The following INPP4B variants were observed in gnomAD, a reference collection of about 807,000 sequenced individuals.
INPP4B encodes the protein inositol polyphosphate 4-phosphatase type II.
A neutral mutation model predicts 122.5 loss-of-function variants in INPP4B; 55 were observed. The ratio of observed to expected loss-of-function variants is 0.45; its 90% CI spans 0.36 to 0.56. The LOEUF is 0.56. Among genes scored for constraint, INPP4B ranks in the 20% least tolerant of loss-of-function variants. INPP4B has a pLI of 0.00. For missense variants in INPP4B, 1,000 were observed against 1,097.7 expected, an observed-to-expected ratio of 0.91 and a Z score of 1.26; for synonymous variants, 403 against 388.7, an observed-to-expected ratio of 1.04 and a Z score of -0.43.
At chr4:142,409,978 A>G (rs1432613494) in intron 5 of INPP4B, among the ~76,000 whole-genome samples, 1 of 152,224 alleles carries the variant, frequency 6.6e-6, no homozygotes, top group Admixed American at 6.5e-5. Context: ...TGTCTATACC[A>G]AAATACTGCT....
chr4:142,403,547 T>G (rs1579966248), intron 6 of INPP4B, among the ~76,000 whole-genome samples: 1 of 152,198 alleles, frequency 6.6e-6, no homozygotes, highest in Admixed American at 6.5e-5. Context: ...TATGATTTTT[T>G]TTTTCCTCAG....
intron 7 of INPP4B, among the ~76,000 whole-genome samples, chr4:142,401,813 A>G (rs1562019135): frequency 6.6e-6 from 1 of 152,216 alleles, no homozygotes; most frequent in Non-Finnish European, 1.5e-5. Flanking sequence ...ATTGTACCAG[A>G]TAGCCACAAC....
In INPP4B at chr4:142,382,056, A is replaced by G. The variant is rs559709817; in HGVS notation, c.372+20882T>C. Among the ~76,000 whole-genome samples the G allele has an allele frequency of 4.6e-4, 70 of 152,314 alleles. No homozygotes were observed. The Middle Eastern group carries it at 0.01, about 22-fold the overall frequency. ...AATTTTAAAGAAAAAAACGTATCTA[A>G]TTCCCAACATTCCTCTCCATAAAAA... is the stretch of plus-strand genomic sequence containing the variant. On this transcript the variant is annotated intron_variant, in intron 7 of 25. Transcript: ENST00000262992.
At chr4:142,191,787 C>T (rs1358487290) in intron 15 of INPP4B, among the ~76,000 whole-genome samples, 1 of 151,844 alleles carries the variant, frequency 6.6e-6, no homozygotes, top group Non-Finnish European at 1.5e-5. Flanking sequence ...AACCTTTCCC[C>T]ACCAAAAAGC....
At chr4:142,795,341 C>T (rs1777085843) in intron 1 of INPP4B, 1 of 151,936 alleles carries the variant, frequency 6.6e-6, no homozygotes, top group Non-Finnish European at 1.5e-5. Context: ...AGATGCCAAC[C>T]GGATGGGCAC....
intron 11 of INPP4B, among the ~76,000 whole-genome samples, chr4:142,254,246 G>T: frequency 6.6e-6 from 1 of 151,784 alleles, no homozygotes; most frequent in East Asian, 1.9e-4. Flanking sequence ...AAACCACAAA[G>T]ATGGGGAAAA....
At chr4:142,662,431 TTG>T (rs1023961747) in intron 2 of INPP4B, among the ~76,000 whole-genome samples, 1 of 152,138 alleles carries the variant, frequency 6.6e-6, no homozygotes. Flanking sequence ...TGATGACTAA[TTG>T]TCCACCAAAA....
chr4:142,435,899 G>T (rs542729592), intron 3 of INPP4B, among the ~76,000 whole-genome samples: 1 of 152,140 alleles, frequency 6.6e-6, no homozygotes, highest in African/African-American at 2.4e-5. Flanking sequence ...TTTCTGGGGG[G>T]AGGGGCGGCA....
intron 1 of INPP4B, among the ~76,000 whole-genome samples, chr4:142,785,103 G>T (rs1250386059): frequency 6.6e-6 from 1 of 152,084 alleles, no homozygotes; most frequent in African/African-American, 2.4e-5. Context: ...ACTCAAAAAG[G>T]AGTTCTCAGG....
intron 2 of INPP4B, among the ~76,000 whole-genome samples, chr4:142,691,811 G>T (rs563069421): frequency 2.9e-4 from 44 of 150,654 alleles, no homozygotes; most frequent in Admixed American, 9.2e-4. Flanking sequence ...TCAAAAACGT[G>T]GGGGGGACAA....
chr4:142,527,354 A>G (rs1256357538), intron 2 of INPP4B, among the ~76,000 whole-genome samples: 1 of 151,918 alleles, frequency 6.6e-6, no homozygotes, highest in African/African-American at 2.4e-5. Flanking sequence ...ACATATACAT[A>G]CACACACACA....
Position 142,025,756 on chromosome 4 carries a change from G to A in INPP4B, c.*3026C>T, listed in dbSNP as rs895368872. Reference sequence around the variant, plus strand: ...AGAGGGGTTAGTCTTATAAAATAAGGGCTGGAGGCTGGGTCCATGGAGCTC... The same window carrying A: ...AGAGGGGTTAGTCTTATAAAATAAGAGCTGGAGGCTGGGTCCATGGAGCTC... On this transcript the variant is annotated 3_prime_UTR_variant, in exon 26 of 26. Transcript: ENST00000262992. 2 of 152,058 alleles carry A rather than the reference G, an allele frequency of 1.3e-5. No homozygotes were observed. Among genetic ancestry groups the A allele is most frequent in the African/African-American group, 2.4e-5 (1 of 41,402 alleles). 9.4% of individuals were successfully genotyped at this position (152,058 alleles called of 1,614,324 possible).
intron 1 of INPP4B, among the ~76,000 whole-genome samples, chr4:142,728,951 A>T (rs917142301): frequency 9.2e-5 from 1 of 10,850 alleles, no homozygotes. Flanking sequence ...GAACTTATTA[A>T]AAAAAAATCT....
intron 7 of INPP4B, among the ~76,000 whole-genome samples, chr4:142,387,805 C>A (rs2130252): frequency 0.21 from 31,342 of 151,996 alleles, 4,390 homozygotes; most frequent in African/African-American, 0.4. Context: ...TTCTATCATA[C>A]AGAGGGGTAC....
chr4:142,836,500 T>C (rs1239710645), intron 1 of INPP4B, among the ~76,000 whole-genome samples: 4 of 151,544 alleles, frequency 2.6e-5, no homozygotes, highest in Non-Finnish European at 1.5e-5. Flanking sequence ...AAGTGGGAAA[T>C]AGAGGAATTA....
intron 14 of INPP4B, among the ~76,000 whole-genome samples, chr4:142,196,105 G>T (rs1244095191): frequency 6.6e-6 from 1 of 152,088 alleles, no homozygotes; most frequent in Non-Finnish European, 1.5e-5. Context: ...TCATAAAAAA[G>T]AACTGATTGT....
At chr4:142,117,613 C>G (rs1331884832) in intron 21 of INPP4B, among the ~76,000 whole-genome samples, 1 of 152,130 alleles carries the variant, frequency 6.6e-6, no homozygotes, top group Non-Finnish European at 1.5e-5. Context: ...AATTCAACAG[C>G]CTTTCATGAT....
chr4:142,380,589 A>G (rs1793746783), intron 7 of INPP4B, among the ~76,000 whole-genome samples: 1 of 152,134 alleles, frequency 6.6e-6, no homozygotes, highest in Admixed American at 6.6e-5. Flanking sequence ...TTTAAATGAT[A>G]TTTATTTTAT....
rs142274314 is a variant in INPP4B at position 142,048,182 on chromosome 4, G to T, written c.2643-19268C>A. Among the ~76,000 whole-genome samples, 326 of 152,174 alleles carry T rather than the reference G, an allele frequency of 2.1e-3. 1 individual carries two copies. The highest frequency in any genetic ancestry group is 7.3e-3 in the African/African-American group (302 of 41,536). On this transcript the variant is annotated intron_variant, in intron 25 of 25. Coordinates refer to ENST00000262992, the MANE Select transcript of INPP4B (RefSeq NM_001101669.3). ...ACTGGTAACATGAAGTAGAGATATA[G>T]AATTTGAATCCAGTTCCTTCTGACA...
Sources: allele counts gnomAD v4.1 joint callset (sites outside exome capture counted in the v4.1 genomes callset), GRCh38; gene constraint gnomAD v4.1.1; transcripts MANE v1.5; gene names NCBI Gene and HGNC (gene_info 2026-07-23, HGNC 2026-07-21).